Variants in KDM5C observed in about 807,000 individuals in gnomAD.
KDM5C encodes the protein lysine-specific demethylase 5C.
Under a neutral mutation model 110.6 loss-of-function variants are expected in KDM5C, and 16 were observed. The ratio of observed to expected loss-of-function variants is 0.14; its 90% CI spans 0.10 to 0.22. The LOEUF is 0.22. Ranked by LOEUF, KDM5C falls within the 10% of genes least tolerant of loss-of-function variation. The probability of loss-of-function intolerance (pLI) is 1.00; values close to 1 mark genes in which losing one functional copy is unlikely to be tolerated. For synonymous variants in KDM5C, 511 were observed against 520.4 expected, an observed-to-expected ratio of 0.98 and a Z score of 0.24; for missense variants, 681 against 1,300.9, an observed-to-expected ratio of 0.52 and a Z score of 7.33.
Position 53,193,158 on chromosome X carries a change from G to A in KDM5C, c.4492C>T (p.Leu1498=). ...EAEEVQEEEE[L]EEETGGEGPP... Reference sequence around the variant, plus strand: ...CCCTCACCCCCAGTCTCCTCCTCCAGCTCTTCCTCCTCCTGGACCTCCTCA... The same window carrying A: ...CCCTCACCCCCAGTCTCCTCCTCCAACTCTTCCTCCTCCTGGACCTCCTCA... Residue 1498 remains leucine (L), a synonymous_variant, in exon 26 of 26, where the codon CTG becomes TTG. Transcript: ENST00000375401. 8.3e-7 allele frequency: 1 copy of A among 1,210,788 alleles called. No homozygotes were observed. The highest frequency in any genetic ancestry group is 1.7e-5 in the African/African-American group (1 of 57,563).
chrX:53,220,737 T>C, intron 2 of KDM5C, 102 bp downstream of exon 2: 4 of 663,668 alleles, frequency 6.0e-6, no homozygotes, highest in Non-Finnish European at 9.7e-6. Context: ...AATAAAGGCC[T>C]AGCTAGGTAA....
Position 53,220,890 on chromosome X carries a change from T to C in KDM5C, c.177A>G (p.Glu59=), listed in dbSNP as rs1228078814. 8.3e-7 allele frequency: 1 copy of C among 1,208,784 alleles called. No individual in the cohort carries two copies. Among genetic ancestry groups the C allele is most frequent in the Non-Finnish European group, 1.1e-6 (1 of 894,515 alleles). Residue 59 remains glutamate (E), a synonymous_variant, in exon 2 of 26, where the codon GAA becomes GAG. Transcript: ENST00000375401. ...PADWQPPFAV[E]VDNFRFTPRI... is the part of the protein sequence containing the mutation. ...GGGGGGTAAACCTGAAGTTGTCCAC[T>C]TCCACAGCAAAGGGTGGCTGCCAGT... is the stretch of plus-strand genomic sequence containing the variant.
At chrX:53,223,618 T>A (rs1270069047) in intron 1 of KDM5C, among the ~76,000 whole-genome samples, 1 of 112,064 alleles carries the variant, frequency 8.9e-6, no homozygotes, top group Non-Finnish European at 1.9e-5. Context: ...CTGAACATTA[T>A]CATCACTTTT....
chrX:53,177,919 C>T (rs953503481), intron 25 of KDM5C, among the ~76,000 whole-genome samples: 2 of 111,607 alleles, frequency 1.8e-5, no homozygotes, highest in East Asian at 2.8e-4. Context: ...AGTACAGTGG[C>T]GTGATCACGG....
At chrX:53,183,262 C>CAAAAAAAA (rs3045214) in intron 25 of KDM5C, among the ~76,000 whole-genome samples, 2 of 43,556 alleles carry the variant, frequency 4.6e-5, no homozygotes, top group Non-Finnish European at 8.0e-5. Flanking sequence ...CCTGTCTCTA[C>CAAAAAAAA]AAAAAAAAAA....
intron 8 of KDM5C, chrX:53,212,683 T>C (rs1344197674): frequency 9.0e-6 from 1 of 110,887 alleles, no homozygotes; most frequent in Non-Finnish European, 1.9e-5. Context: ...GAAAATGGCA[T>C]TGAATATTCC....
At chrX:53,201,110 AG>A (rs1293456492) in intron 14 of KDM5C, among the ~76,000 whole-genome samples, 1 of 112,537 alleles carries the variant, frequency 8.9e-6, no homozygotes, top group Non-Finnish European at 1.9e-5. Flanking sequence ...CTTGCAAGTT[AG>A]GTATTTATTC....
At chrX:53,183,391 A>G (rs1934122835) in intron 25 of KDM5C, among the ~76,000 whole-genome samples, 1 of 107,079 alleles carries the variant, frequency 9.3e-6, no homozygotes, top group Non-Finnish European at 1.9e-5. Flanking sequence ...TGAGCCTCAA[A>G]CTGCAGTGAG....
intron 25 of KDM5C, among the ~76,000 whole-genome samples, chrX:53,184,231 CT>C (rs1253009777): frequency 9.0e-6 from 1 of 111,403 alleles, no homozygotes; most frequent in East Asian, 2.8e-4. Flanking sequence ...AATTTATTAG[CT>C]GTATGCCTTT....
chrX:53,214,966 A>G lies in KDM5C; in HGVS notation c.964-119T>C, dbSNP rs782500803. ...GTCTGGAGCTCAACTGCACGTATGTACCATCTCCCCAAATAAGCAGGTAGA... is the reference window on the plus strand; with the variant it reads ...GTCTGGAGCTCAACTGCACGTATGTGCCATCTCCCCAAATAAGCAGGTAGA... On this transcript the variant is annotated intron_variant, in intron 7 of 25. Transcript: ENST00000375401. The G allele has an allele frequency of 1.8e-5, 13 of 736,388 alleles. No individual in the cohort carries two copies. The African/African-American group carries it at 1.9e-4, about 11-fold the overall frequency. The allele number at this position is 736,388 out of a possible 1,213,427, so 60.7% of individuals were successfully genotyped here. A position where few individuals can be genotyped will look rare whatever the true frequency, so the allele number is the denominator to read the frequency against.
intron 12 of KDM5C, among the ~76,000 whole-genome samples, chrX:53,206,067 G>A (rs782526360): frequency 3.6e-5 from 4 of 111,984 alleles, no homozygotes; most frequent in African/African-American, 1.3e-4. Flanking sequence ...TTCTGCAGCT[G>A]TTAAAAATGA....
chrX:53,208,652 C>T (rs1420292194), intron 12 of KDM5C, among the ~76,000 whole-genome samples: 3 of 101,129 alleles, frequency 3.0e-5, no homozygotes, highest in Non-Finnish European at 6.0e-5. Context: ...ACTACAGGCA[C>T]GTGCCACCAC....
intron 1 of KDM5C, among the ~76,000 whole-genome samples, chrX:53,224,432 G>A (rs1556855982): frequency 8.9e-6 from 1 of 111,787 alleles, no homozygotes; most frequent in African/African-American, 3.3e-5. Flanking sequence ...TAGGTGGCCC[G>A]GGCTAAGAGA....
intron 8 of KDM5C, 112 bp from the exon 9 acceptor site, chrX:53,212,018 C>T: frequency 2.2e-6 from 2 of 926,896 alleles, no homozygotes; most frequent in Non-Finnish European, 1.5e-6. Flanking sequence ...TAGGTCTGCA[C>T]TCAAGGCCCC....
chrX:53,202,091 C>T, intron 12 of KDM5C, 118 bp from the exon 13 acceptor site: 1 of 877,001 alleles, frequency 1.1e-6, no homozygotes, highest in Non-Finnish European at 1.7e-6. Flanking sequence ...AGTCTGACAA[C>T]AGAATCCCAG....
intron 14 of KDM5C, among the ~76,000 whole-genome samples, chrX:53,200,460 C>T (rs1349657040): frequency 9.0e-5 from 10 of 111,376 alleles, no homozygotes; most frequent in African/African-American, 1.3e-4. Flanking sequence ...GTCTATTCTC[C>T]CCACCTTGCT....
At position 53,215,956 on chromosome X, in the gene KDM5C, G is replaced by A; in HGVS notation, c.802C>T (p.Pro268Ser). 4 of 1,211,797 alleles carry A rather than the reference G, an allele frequency of 3.3e-6. No individual in the cohort carries two copies. The highest frequency in any genetic ancestry group is 3.4e-6 in the Non-Finnish European group (3 of 895,419). Residue 268 changes from proline (P) to serine (S), a missense_variant, in exon 7 of 26, where the codon CCC (proline) becomes TCC (serine). Pro to Ser is a moderately conservative substitution (Grantham distance 74). Around this residue, in one of 14 missense-constraint regions of KDM5C, gnomAD observed 71 missense variants for 115.0 expected, o/e 0.62. Transcript: ENST00000375401. ...TCCTCCTTCACCACTACTGTGGGGGGACACTCAGGCCCCTCCTTATCTGGG... is the reference window on the plus strand; with the variant it reads ...TCCTCCTTCACCACTACTGTGGGGGAACACTCAGGCCCCTCCTTATCTGGG... ...RKKDKEGPEC[P>S]PTVVVKEELG...
chrX:53,205,781 T>C (rs782615902), intron 12 of KDM5C, among the ~76,000 whole-genome samples: 11 of 112,553 alleles, frequency 9.8e-5, no homozygotes, highest in Non-Finnish European at 1.7e-4. Flanking sequence ...CTTCTGAGTG[T>C]TGACCAGAGA....
At chrX:53,200,348 A>G (rs1320205658) in intron 14 of KDM5C, among the ~76,000 whole-genome samples, 1 of 111,518 alleles carries the variant, frequency 9.0e-6, no homozygotes, top group Non-Finnish European at 1.9e-5. Flanking sequence ...ACATACTTAA[A>G]TACACATACA....
Sources: gnomAD v4.1 joint callset for allele counts (sites outside exome capture counted in the v4.1 genomes callset) on GRCh38, gnomAD v4.1.1 for gene constraint, gnomAD v4.1.1 regional missense constraint, MANE v1.5 for transcripts, NCBI Gene and HGNC (gene_info 2026-07-23, HGNC 2026-07-21) for gene names.